Variants in RAD17 observed in about 807,000 individuals in gnomAD.
RAD17 encodes cell cycle checkpoint protein RAD17.
Under a neutral mutation model 81.5 loss-of-function variants are expected in RAD17, and 31 were observed. That is an observed-to-expected ratio of 0.38 (90% CI 0.29 to 0.51). The LOEUF (loss-of-function observed/expected upper bound fraction) is 0.51, where lower values mean the gene tolerates loss of function less well. Ranked by LOEUF, RAD17 falls within the 20% of genes least tolerant of loss-of-function variation. RAD17 has a pLI of 0.88. For missense variants in RAD17, 681 were observed against 781.2 expected (o/e 0.87, Z 1.53); for synonymous variants, 261 against 266.2 (o/e 0.98, Z 0.19).
At chr5:69,377,435 GTGTGTATATATATATATATA>G (rs1207454224) in intron 6 of RAD17, among the ~76,000 whole-genome samples, 4 of 23,058 alleles carry the variant, frequency 1.7e-4, no homozygotes, top group South Asian at 3.9e-3. Context: ...GTGTGTGTGT[GTGTGTATATATATATATATA>G]TATATATATA....
intron 13 of RAD17, chr5:69,392,785 A>G: frequency 2.2e-6 from 1 of 452,862 alleles, no homozygotes; most frequent in Non-Finnish European, 4.4e-6. Flanking sequence ...TGGAATTCGT[A>G]TTCTTTCATG....
chr5:69,406,053 AAAAAG>A (rs1765583273), intron 17 of RAD17, among the ~76,000 whole-genome samples: 1 of 152,022 alleles, frequency 6.6e-6, no homozygotes, highest in South Asian at 2.1e-4. Flanking sequence ...AAAAAAAAAA[AAAAAG>A]AATATGAAGT....
chr5:69,381,826 G>C, intron 6 of RAD17, 75 bp from the exon 7 acceptor site: 1 of 1,078,134 alleles, frequency 9.3e-7, no homozygotes, highest in Non-Finnish European at 1.3e-6. Context: ...AATATATTTA[G>C]AATGAAAAGT....
intron 5 of RAD17, 105 bp downstream of exon 5, chr5:69,374,192 A>G (rs1230210442): frequency 2.8e-6 from 3 of 1,054,760 alleles, no homozygotes; most frequent in Non-Finnish European, 4.1e-6. Flanking sequence ...ACTCATAAGA[A>G]TCTTTCTAAG....
intron 17 of RAD17, among the ~76,000 whole-genome samples, chr5:69,407,574 T>TTG (rs1765695492): frequency 7.9e-6 from 1 of 126,308 alleles, no homozygotes; most frequent in Non-Finnish European, 1.7e-5. Flanking sequence ...TTTTTTTTTT[T>TTG]TTTTTTTTTT....
chr5:69,400,879 A>G (rs891036225), intron 17 of RAD17, among the ~76,000 whole-genome samples: 1 of 150,412 alleles, frequency 6.6e-6, no homozygotes, highest in African/African-American at 2.5e-5. Flanking sequence ...GGCTGCAGTG[A>G]GCCAAGATCG....
chr5:69,369,784 T>TA (rs1204146142), upstream of RAD17: 3 of 1,399,724 alleles, frequency 2.1e-6, no homozygotes, highest in Non-Finnish European at 3.0e-6. Flanking sequence ...GCCCTTCGCT[T>TA]GCGCCGACCA....
intron 17 of RAD17, among the ~76,000 whole-genome samples, chr5:69,406,023 C>T (rs1765580052): frequency 7.3e-6 from 1 of 136,220 alleles, no homozygotes; most frequent in Non-Finnish European, 1.6e-5. Context: ...GCCTAGGTGA[C>T]AGAGCCAGAC....
At chr5:69,399,984 T>G in intron 16 of RAD17, 65 bp from the exon 17 acceptor site, 1 of 1,076,924 alleles carries the variant, frequency 9.3e-7, no homozygotes, top group Non-Finnish European at 1.3e-6. Flanking sequence ...AAACTTAGTT[T>G]GTCTAGGAAT....
chr5:69,383,568 T>C (rs1458477381), intron 7 of RAD17, among the ~76,000 whole-genome samples: 3 of 151,836 alleles, frequency 2.0e-5, no homozygotes, highest in Non-Finnish European at 4.4e-5. Flanking sequence ...TTAGTAGAGA[T>C]GGGGTTTCAC....
At chr5:69,389,620 C>A (rs299085) in intron 12 of RAD17, among the ~76,000 whole-genome samples, 65,579 of 152,036 alleles carry the variant, frequency 0.43, 14,795 homozygotes, top group Admixed American at 0.5. Flanking sequence ...AATACTGTGC[C>A]GAGGTAGGTT....
rs374454600 is a variant in RAD17, at chr5:69,406,649, C to T, written c.1694-3844C>T. Among the ~76,000 whole-genome samples the T allele has an allele frequency of 3.5e-4, 53 of 151,808 alleles. 2 individuals are homozygous for T. The highest frequency in any genetic ancestry group is 1.8e-3 in the East Asian group (9 of 5,136). On this transcript the variant is annotated intron_variant, in intron 17 of 18. Transcript: ENST00000354868. The stretch of plus-strand genomic sequence containing the variant: ...ACTGAGTAGCTGGTAACCACAGGTG[C>T]GCACCACCACACTTGGCTAATTTTT...
In RAD17 at chr5:69,414,595, C is replaced by T. The variant is rs1279593496; in HGVS notation, c.*303C>T. The T allele has an allele frequency of 2.4e-6, 1 of 411,358 alleles. No homozygotes were observed. The highest frequency in any genetic ancestry group is 4.4e-6 in the Non-Finnish European group (1 of 229,562). 25.5% of individuals were successfully genotyped at this position (411,358 alleles called of 1,614,324 possible). On this transcript the variant is annotated 3_prime_UTR_variant, in exon 19 of 19. Transcript: ENST00000354868. ...AATATCAAGATGTGAAGGACTAATT[C>T]AGGATGCAAAAACGTTATTGGGGGG...
Position 69,372,049 on chromosome 5 carries a change from AT to A in RAD17, c.-157del. ...TTTTTTTCAGTATATGGGAGTCCAC[AT>A]TTATGTAAGAAATGAAACTATAAAA... is the stretch of plus-strand genomic sequence containing the variant. On this transcript the variant is annotated 5_prime_UTR_variant, in exon 4 of 19. The change creates a premature stop within an existing upstream ORF in the 5' untranslated region. Transcript: ENST00000354868. The A allele has an allele frequency of 7.5e-7, 1 of 1,327,884 alleles. No homozygotes were observed. Among genetic ancestry groups the A allele is most frequent in the Non-Finnish European group, 9.9e-7 (1 of 1,007,674 alleles). The allele number at this position is 1,327,884 out of a possible 1,614,324, so 82.3% of individuals were successfully genotyped here.
intron 17 of RAD17, among the ~76,000 whole-genome samples, chr5:69,402,602 C>T (rs1765343377): frequency 1.3e-5 from 2 of 150,160 alleles, no homozygotes; most frequent in South Asian, 2.1e-4. Context: ...TTGCAGTGAG[C>T]TGAGATCACG....
chr5:69,411,849 A>G (rs1191562257), intron 18 of RAD17, among the ~76,000 whole-genome samples: 1 of 152,182 alleles, frequency 6.6e-6, no homozygotes, highest in Non-Finnish European at 1.5e-5. Flanking sequence ...TTTGCTCCTG[A>G]GATGTATTGA....
intron 6 of RAD17, among the ~76,000 whole-genome samples, chr5:69,376,934 A>G (rs1287920685): frequency 6.6e-6 from 1 of 152,008 alleles, no homozygotes; most frequent in Non-Finnish European, 1.5e-5. Flanking sequence ...TTGTATTTTT[A>G]ATAGAGACAG....
In RAD17 at chr5:69,381,883, A is replaced by G. The variant is rs1763881072; in HGVS notation, c.352-18A>G. The G allele has an allele frequency of 1.3e-6, 2 of 1,547,236 alleles. No homozygotes were observed. The highest frequency in any genetic ancestry group is 2.1e-5 in the Admixed American group (1 of 46,586). On this transcript the variant is annotated intron_variant, in intron 6 of 18. Transcript: ENST00000354868. Reference sequence around the variant, plus strand: ...CCAGTGATTTTGGTTTTTAATTCATATTTGTATTTGATTTTAGGGTGGATC... The same window carrying G: ...CCAGTGATTTTGGTTTTTAATTCATGTTTGTATTTGATTTTAGGGTGGATC...
At chr5:69,401,201 G>C (rs1359468192) in intron 17 of RAD17, among the ~76,000 whole-genome samples, 1 of 152,146 alleles carries the variant, frequency 6.6e-6, no homozygotes, top group Non-Finnish European at 1.5e-5. Context: ...GAGCAAGACT[G>C]TCTCAGAAAA....
Sources: allele counts gnomAD v4.1 joint callset (sites outside exome capture counted in the v4.1 genomes callset), GRCh38; gene constraint gnomAD v4.1.1; transcripts MANE v1.5; gene names NCBI Gene and HGNC (gene_info 2026-07-23, HGNC 2026-07-21).